The following TRPM3 variants were observed in gnomAD, a reference collection of about 807,000 sequenced individuals.
TRPM3 encodes the protein transient receptor potential cation channel subfamily M member 3.
Under a neutral mutation model 181.2 loss-of-function variants are expected in TRPM3, and 77 were observed. The ratio of observed to expected loss-of-function variants is 0.42; its 90% CI spans 0.35 to 0.51. The LOEUF (loss-of-function observed/expected upper bound fraction) is 0.51, where lower values mean the gene tolerates loss of function less well. TRPM3 is among the 20% of genes least tolerant of loss of function. The probability of loss-of-function intolerance (pLI) is 0.01; values close to 1 mark genes in which losing one functional copy is unlikely to be tolerated. For synonymous variants in TRPM3, 745 were observed against 796.4 expected (o/e 0.94, Z 1.09); for missense variants, 1,759 against 2,196.7 (o/e 0.80, Z 3.98).
chr9:70,747,710 T>C (rs1227200656), intron 8 of TRPM3, among the ~76,000 whole-genome samples: 1 of 151,984 alleles, frequency 6.6e-6, no homozygotes, highest in African/African-American at 2.4e-5. Context: ...ACAGAGACTG[T>C]ATCTGGTATG....
chr9:70,629,197 T>C (rs1454466740), intron 12 of TRPM3, among the ~76,000 whole-genome samples: 1 of 55,188 alleles, frequency 1.8e-5, no homozygotes, highest in East Asian at 6.5e-4. Flanking sequence ...GGAGGATAAA[T>C]GATTCTGTGA....
chr9:71,140,789 C>T (rs540466776), intron 1 of TRPM3, among the ~76,000 whole-genome samples: 20 of 152,138 alleles, frequency 1.3e-4, no homozygotes, highest in African/African-American at 4.3e-4. Context: ...CAGGCAAATA[C>T]CATATAGTAA....
intron 8 of TRPM3, among the ~76,000 whole-genome samples, chr9:70,739,632 C>T (rs905946146): frequency 4.6e-5 from 7 of 151,846 alleles, no homozygotes; most frequent in Non-Finnish European, 7.4e-5. Context: ...CACTCTGTTG[C>T]CCAGGCTGGA....
chr9:70,911,384 T>C (rs1490627243), intron 1 of TRPM3, among the ~76,000 whole-genome samples: 3 of 152,226 alleles, frequency 2.0e-5, no homozygotes, highest in Non-Finnish European at 4.4e-5. Context: ...TCATTTATCT[T>C]ATTCTATACT....
chr9:70,897,835 A>G (rs1308801931), intron 1 of TRPM3, among the ~76,000 whole-genome samples: 1 of 152,234 alleles, frequency 6.6e-6, no homozygotes, highest in Non-Finnish European at 1.5e-5. Context: ...GTAATAGCGC[A>G]TTGGCCATTA....
chr9:70,616,196 A>G (rs2062752666), intron 17 of TRPM3, 121 bp from the exon 18 acceptor site: 1 of 586,696 alleles, frequency 1.7e-6, no homozygotes, highest in African/African-American at 1.9e-5. Flanking sequence ...GTGTGTGTAC[A>G]CATGCACACA....
chr9:70,663,027 A>G (rs1205135980), intron 9 of TRPM3, among the ~76,000 whole-genome samples: 1 of 152,144 alleles, frequency 6.6e-6, no homozygotes. Context: ...AAGAAAATGC[A>G]GTATATACAC....
chr9:71,151,670 T>G (rs559779932), intron 1 of TRPM3, among the ~76,000 whole-genome samples: 1 of 152,222 alleles, frequency 6.6e-6, no homozygotes, highest in South Asian at 2.1e-4. Flanking sequence ...CTTTGCATCA[T>G]TGTTTATATC....
chr9:71,169,838 A>G (rs1168728995), intron 1 of TRPM3, among the ~76,000 whole-genome samples: 1 of 150,832 alleles, frequency 6.6e-6, no homozygotes, highest in African/African-American at 2.4e-5. Flanking sequence ...ATATTTTTAT[A>G]TTTTTTATAA....
intron 1 of TRPM3, among the ~76,000 whole-genome samples, chr9:71,161,825 T>A (rs2076285695): frequency 2.0e-5 from 3 of 152,154 alleles, no homozygotes; most frequent in Admixed American, 2.0e-4. Context: ...TGTATAGAGA[T>A]AAGTGAAATA....
At chr9:71,294,415 G>A (rs983307582) in intron 1 of TRPM3, among the ~76,000 whole-genome samples, 1 of 151,974 alleles carries the variant, frequency 6.6e-6, no homozygotes, top group African/African-American at 2.4e-5. Flanking sequence ...AAAATCTCAA[G>A]GAGATACCAT....
chr9:70,628,744 G>C (rs545378229), intron 12 of TRPM3, among the ~76,000 whole-genome samples: 303 of 149,500 alleles, frequency 2.0e-3, no homozygotes, highest in African/African-American at 7.2e-3. Context: ...GCTTGAACCC[G>C]GGAGGCAGAT....
intron 6 of TRPM3, among the ~76,000 whole-genome samples, chr9:70,821,583 T>A (rs1230827504): frequency 6.6e-6 from 1 of 152,194 alleles, no homozygotes; most frequent in East Asian, 1.9e-4. Flanking sequence ...AAAATAAATA[T>A]TAAAAATTAT....
chr9:70,806,522 C>A (rs2090721269), intron 6 of TRPM3, among the ~76,000 whole-genome samples: 1 of 151,902 alleles, frequency 6.6e-6, no homozygotes, highest in Non-Finnish European at 1.5e-5. Context: ...GAAACCCAGT[C>A]TCTACTACAA....
chr9:70,663,218 T>C (rs923259463), intron 9 of TRPM3, among the ~76,000 whole-genome samples: 7 of 152,072 alleles, frequency 4.6e-5, no homozygotes, highest in Admixed American at 2.6e-4. Flanking sequence ...AATGATATAA[T>C]GTATGTTGGG....
intron 24 of TRPM3, among the ~76,000 whole-genome samples, chr9:70,552,583 C>A (rs1291830563): frequency 6.6e-6 from 1 of 152,092 alleles, no homozygotes; most frequent in African/African-American, 2.4e-5. Flanking sequence ...TCTAAAATAG[C>A]CCTGCTGGAG....
intron 1 of TRPM3, among the ~76,000 whole-genome samples, chr9:71,168,980 A>G (rs1029881769): frequency 6.6e-6 from 1 of 152,276 alleles, no homozygotes; most frequent in Non-Finnish European, 1.5e-5. Context: ...GATATAAAAA[A>G]GCATTTCCAA....
At chr9:71,003,777 CA>C (rs2097644703) in intron 1 of TRPM3, among the ~76,000 whole-genome samples, 1 of 151,218 alleles carries the variant, frequency 6.6e-6, no homozygotes, top group South Asian at 2.1e-4. Flanking sequence ...CGTAAAAATA[CA>C]GCTAGAAAGT....
intron 1 of TRPM3, among the ~76,000 whole-genome samples, chr9:71,269,023 T>C (rs888161166): frequency 6.6e-6 from 1 of 152,072 alleles, no homozygotes; most frequent in Non-Finnish European, 1.5e-5. Flanking sequence ...TAAGGATGAA[T>C]GAAAGCATAG....
Sources: allele counts gnomAD v4.1 joint callset (sites outside exome capture counted in the v4.1 genomes callset), GRCh38; gene constraint gnomAD v4.1.1; transcripts MANE v1.5; gene names NCBI Gene and HGNC (gene_info 2026-07-23, HGNC 2026-07-21).